The following CHCHD3 variants were observed in gnomAD, a reference collection of about 807,000 sequenced individuals.
CHCHD3 encodes the protein coiled-coil-helix-coiled-coil-helix domain containing 3.
CHCHD3 carries 20 observed loss-of-function variants against 38.2 expected under a neutral mutation model. The ratio of observed to expected loss-of-function variants is 0.52; its 90% CI spans 0.37 to 0.76. CHCHD3 has a LOEUF of 0.76. CHCHD3 is among the 30% of genes least tolerant of loss of function. The pLI is 0.00. For synonymous variants in CHCHD3, 82 were observed against 100.0 expected (o/e 0.82, Z 1.07); for missense variants, 245 against 279.2 (o/e 0.88, Z 0.87).
rs183678776 is a variant in CHCHD3 at position 132,873,039 on chromosome 7, G to A, written c.453+12623C>T. On this transcript the variant is annotated intron_variant, in intron 5 of 7. Transcript: ENST00000262570. ...GAGGAGATGGAGGTTGCAGTGAGCC[G>A]AGATCGCACCACTGCACTCCAGCCT... Among the ~76,000 whole-genome samples the A allele has an allele frequency of 9.0e-3, 1,368 of 152,018 alleles. 15 individuals are homozygous for A. Among genetic ancestry groups the A allele is most frequent in the Non-Finnish European group, 0.016 (1,090 of 67,976 alleles).
At chr7:132,976,976 T>G (rs776139407) in intron 3 of CHCHD3, among the ~76,000 whole-genome samples, 1 of 152,226 alleles carries the variant, frequency 6.6e-6, no homozygotes, top group Non-Finnish European at 1.5e-5. Flanking sequence ...AATCTGTATT[T>G]CGAAATTCTC....
intron 3 of CHCHD3, among the ~76,000 whole-genome samples, chr7:133,013,725 TA>T (rs1335258989): frequency 6.6e-6 from 1 of 152,036 alleles, no homozygotes; most frequent in Non-Finnish European, 1.5e-5. Flanking sequence ...CATTTTGTTT[TA>T]AAAAAACAAA....
chr7:132,930,287 C>A (rs1264756416), intron 4 of CHCHD3, among the ~76,000 whole-genome samples: 3 of 151,922 alleles, frequency 2.0e-5, no homozygotes, highest in African/African-American at 7.3e-5. Flanking sequence ...CTGCCTCAGC[C>A]TCCCGAGTAG....
intron 3 of CHCHD3, among the ~76,000 whole-genome samples, chr7:133,001,617 A>G (rs1030492479): frequency 1.5e-4 from 23 of 152,222 alleles, no homozygotes; most frequent in African/African-American, 5.5e-4. Context: ...GCTTTCCAGA[A>G]AGGAGCAATG....
chr7:132,938,297 G>A (rs186956149), intron 4 of CHCHD3, among the ~76,000 whole-genome samples: 1 of 152,224 alleles, frequency 6.6e-6, no homozygotes, highest in East Asian at 1.9e-4. Context: ...GGCTCATTGA[G>A]GTTAAATGAC....
chr7:132,812,206 T>C (rs141053537), intron 6 of CHCHD3, among the ~76,000 whole-genome samples: 9,518 of 121,720 alleles, frequency 0.078, 1,222 homozygotes, highest in African/African-American at 0.16. Context: ...TTTTCTTTTT[T>C]TTTTTTTTTT....
chr7:132,872,058 G>A (rs756599767), intron 5 of CHCHD3, among the ~76,000 whole-genome samples: 8 of 152,198 alleles, frequency 5.3e-5, no homozygotes, highest in South Asian at 4.1e-4. Context: ...ATCTGCCATC[G>A]AGGAAGGTTA....
At chr7:132,794,654 C>T (rs915684957) in intron 7 of CHCHD3, among the ~76,000 whole-genome samples, 1 of 151,978 alleles carries the variant, frequency 6.6e-6, no homozygotes, top group African/African-American at 2.4e-5. Context: ...ACTAGCTGAA[C>T]ATAAAAGATT....
In CHCHD3 at chr7:132,988,192, C is replaced by T. The variant is rs1033995602; in HGVS notation, c.252-12906G>A. On this transcript the variant is annotated intron_variant, in intron 3 of 7. Coordinates refer to ENST00000262570, the MANE Select transcript of CHCHD3 (RefSeq NM_017812.4). The stretch of plus-strand genomic sequence containing the variant: ...TCATTCAAGGGTCATAAGAAACTTA[C>T]CCATAGTCAAATTTACCCAAAATAA... Among the ~76,000 whole-genome samples, 10 of 152,028 alleles carry T rather than the reference C, an allele frequency of 6.6e-5. No homozygotes were observed. The South Asian group carries it at 1.7e-3, about 25-fold the overall frequency.
intron 4 of CHCHD3, among the ~76,000 whole-genome samples, chr7:132,891,161 C>A (rs1809350606): frequency 6.6e-6 from 1 of 152,136 alleles, no homozygotes; most frequent in Non-Finnish European, 1.5e-5. Flanking sequence ...TAATTGAATT[C>A]TAGGCTTTTG....
At chr7:132,838,501 C>A in intron 5 of CHCHD3, 32 bp from the exon 6 acceptor site, 4 of 1,493,272 alleles carry the variant, frequency 2.7e-6, no homozygotes, top group Non-Finnish European at 3.7e-6. Context: ...AAAGGTTTCA[C>A]TATCCAAGAT....
chr7:132,812,949 C>T (rs1366130426), intron 6 of CHCHD3, among the ~76,000 whole-genome samples: 1 of 152,224 alleles, frequency 6.6e-6, no homozygotes, highest in Non-Finnish European at 1.5e-5. Flanking sequence ...GCCTTTATAT[C>T]AGCTTTAAGA....
intron 6 of CHCHD3, among the ~76,000 whole-genome samples, chr7:132,822,660 A>G (rs1365401056): frequency 2.6e-5 from 4 of 152,196 alleles, no homozygotes; most frequent in East Asian, 1.9e-4. Flanking sequence ...AAGAAGATCA[A>G]GAGTTAAGTA....
At position 132,882,184 on chromosome 7, in the gene CHCHD3, G is replaced by A. The variant is rs527570661; in HGVS notation, c.453+3478C>T. 3.9e-5 allele frequency among the ~76,000 whole-genome samples: 6 copies of A among 152,176 alleles called. No individual in the cohort carries two copies. The South Asian group carries it at 1.2e-3, about 32-fold the overall frequency. On this transcript the variant is annotated intron_variant, in intron 5 of 7. Transcript: ENST00000262570. ...ATCTACCCCCAATCACCATGAAGAT[G>A]AGCAAGGAACAGAGTATATCCCCAT...
chr7:133,008,652 T>A (rs1812772405), intron 3 of CHCHD3, among the ~76,000 whole-genome samples: 2 of 152,112 alleles, frequency 1.3e-5, no homozygotes, highest in African/African-American at 4.8e-5. Context: ...AATAAAGAAT[T>A]TGATCTTTTC....
chr7:133,068,786 T>TC (rs1814742500), intron 2 of CHCHD3, among the ~76,000 whole-genome samples: 1 of 151,848 alleles, frequency 6.6e-6, no homozygotes, highest in South Asian at 2.1e-4. Context: ...CAAGGATGAA[T>TC]CCCCAATTGG....
chr7:132,921,345 C>T (rs1810257845), intron 4 of CHCHD3, among the ~76,000 whole-genome samples: 2 of 152,130 alleles, frequency 1.3e-5, no homozygotes, highest in Admixed American at 1.3e-4. Context: ...CCACTACTTT[C>T]CTCCAGGCTC....
intron 4 of CHCHD3, among the ~76,000 whole-genome samples, chr7:132,926,216 C>G (rs529775472): frequency 1.3e-5 from 2 of 152,162 alleles, no homozygotes; most frequent in Non-Finnish European, 2.9e-5. Flanking sequence ...ATGTCCAAGA[C>G]AGCAAGTTTG....
At chr7:132,955,544 T>TTG (rs947141878) in intron 4 of CHCHD3, among the ~76,000 whole-genome samples, 2 of 147,834 alleles carry the variant, frequency 1.4e-5, no homozygotes, top group African/African-American at 4.9e-5. Context: ...GGTTTTTTGT[T>TTG]TTTTTTTTTT....
Sources: gnomAD v4.1 joint callset for allele counts (sites outside exome capture counted in the v4.1 genomes callset) on GRCh38, gnomAD v4.1.1 for gene constraint, MANE v1.5 for transcripts, NCBI Gene and HGNC (gene_info 2026-07-23, HGNC 2026-07-21) for gene names.